The following RERG variants were observed in gnomAD, a reference collection of about 807,000 sequenced individuals.
The protein encoded by RERG is RAS like estrogen regulated growth inhibitor, also known as ras-related and estrogen-regulated growth inhibitor.
RERG carries 25 observed loss-of-function variants against 23.2 expected under a neutral mutation model. That is an observed-to-expected ratio of 1.08 (90% CI 0.79 to 1.50). The LOEUF is 1.50. Among genes scored for constraint, RERG ranks in the 40% most tolerant of loss-of-function variants. The pLI, the probability that RERG is intolerant of heterozygous loss-of-function variation, is 0.00. For synonymous variants in RERG, 81 were observed against 89.1 expected (o/e 0.91, Z 0.51); for missense variants, 253 against 250.1 (o/e 1.01, Z -0.08).
chr12:15,204,892 G>A (rs558353203), intron 2 of RERG, among the ~76,000 whole-genome samples: 2 of 151,910 alleles, frequency 1.3e-5, no homozygotes, highest in East Asian at 3.9e-4. Flanking sequence ...TCCTTCCCTA[G>A]TTATATTTTC....
chr12:15,178,411 AG>A (rs1864881363), intron 2 of RERG, among the ~76,000 whole-genome samples: 1 of 152,182 alleles, frequency 6.6e-6, no homozygotes, highest in Admixed American at 6.5e-5. Context: ...ACTATGCAAA[AG>A]GTATCAGAAA....
chr12:15,197,992 G>A (rs1043643142), intron 2 of RERG, among the ~76,000 whole-genome samples: 1 of 152,076 alleles, frequency 6.6e-6, no homozygotes, highest in African/African-American at 2.4e-5. Flanking sequence ...GAATAACTGT[G>A]TCATCCAGGA....
At chr12:15,204,351 A>G (rs1865256670) in intron 2 of RERG, among the ~76,000 whole-genome samples, 1 of 151,842 alleles carries the variant, frequency 6.6e-6, no homozygotes. Flanking sequence ...TGTTGAGAAA[A>G]CTGAATATTC....
Position 15,109,263 on chromosome 12 carries a change from G to C in RERG, c.447C>G (p.Ala149=), listed in dbSNP as rs1310489349. The C allele has an allele frequency of 1.2e-6, 2 of 1,614,120 alleles. No homozygotes were observed. The highest frequency in any genetic ancestry group is 2.2e-5 in the South Asian group (2 of 91,076). ...ELACAFYECS[A]CTGEGNITEI... is the part of the protein sequence containing the mutation. ...CTGTGATGTTCCCTTCTCCAGTGCAGGCAGAGCACTCGTAAAAAGCACAAG... is the reference window on the plus strand; with the variant it reads ...CTGTGATGTTCCCTTCTCCAGTGCACGCAGAGCACTCGTAAAAAGCACAAG... The change falls in exon 5 of 5, where the codon GCC becomes GCG. Residue 149 remains alanine, a synonymous_variant. Transcript: ENST00000256953.
intron 2 of RERG, among the ~76,000 whole-genome samples, chr12:15,133,150 T>C (rs1409123118): frequency 1.6e-5 from 2 of 122,050 alleles, no homozygotes; most frequent in Non-Finnish European, 3.2e-5. Context: ...TGTGGAGATA[T>C]ATATATATAT....
rs753137882 is a variant in RERG, at chr12:15,109,464, C to A, written c.246G>T (p.Leu82=). The A allele has an allele frequency of 6.2e-7, 1 of 1,613,552 alleles. No homozygotes were observed. Among genetic ancestry groups the A allele is most frequent in the South Asian group, 1.1e-5 (1 of 91,006 alleles). ...GHMRWGEGFV[L]VYDITDRGSF... ...TTCCTCGGTCAGTAATGTCGTAGAC[C>A]AGCACAAAGCCTTCCCCCCATCGCA... Residue 82 remains leucine (L), a synonymous_variant, in exon 5 of 5, where the codon CTG becomes CTT. Transcript: ENST00000256953.
chr12:15,156,073 T>C (rs998546696), intron 2 of RERG, among the ~76,000 whole-genome samples: 29 of 151,690 alleles, frequency 1.9e-4, no homozygotes, highest in Non-Finnish European at 7.4e-5. Flanking sequence ...GGTGATATAG[T>C]AATTACATTC....
At chr12:15,188,274 C>T (rs1303774403) in intron 2 of RERG, among the ~76,000 whole-genome samples, 1 of 152,104 alleles carries the variant, frequency 6.6e-6, no homozygotes, top group Non-Finnish European at 1.5e-5. Context: ...ATCTTGCATG[C>T]TCTAATAGAA....
chr12:15,115,029 G>A (rs753304525), intron 3 of RERG, among the ~76,000 whole-genome samples: 2 of 152,014 alleles, frequency 1.3e-5, no homozygotes, highest in African/African-American at 2.4e-5. Flanking sequence ...CCGTGTAGAA[G>A]ACTAGAAGTA....
chr12:15,208,344 C>A (rs1865320872), intron 2 of RERG, among the ~76,000 whole-genome samples: 1 of 152,106 alleles, frequency 6.6e-6, no homozygotes, highest in Middle Eastern at 3.2e-3. Context: ...TGATCTACTT[C>A]CGGTCATGTT....
chr12:15,197,698 A>G (rs1189054343), intron 2 of RERG, among the ~76,000 whole-genome samples: 2 of 152,198 alleles, frequency 1.3e-5, no homozygotes, highest in African/African-American at 4.8e-5. Flanking sequence ...AAACCTAGAC[A>G]ATAAAATATA....
At chr12:15,151,689 G>A (rs1479077755) in intron 2 of RERG, among the ~76,000 whole-genome samples, 2 of 152,106 alleles carry the variant, frequency 1.3e-5, no homozygotes, top group Admixed American at 6.5e-5. Context: ...ATCCACCAGA[G>A]GGCACTGCCA....
At chr12:15,128,304 A>G (rs1156384353) in intron 2 of RERG, among the ~76,000 whole-genome samples, 1 of 152,224 alleles carries the variant, frequency 6.6e-6, no homozygotes, top group Non-Finnish European at 1.5e-5. Context: ...TTTTTCTTGA[A>G]AACGTCTTTA....
intron 2 of RERG, among the ~76,000 whole-genome samples, chr12:15,156,809 C>T (rs935959938): frequency 5.9e-5 from 9 of 152,286 alleles, no homozygotes; most frequent in South Asian, 2.1e-4. Context: ...GGCGCATTTT[C>T]GTGCAAATCT....
At chr12:15,213,832 C>G (rs1865401889) in intron 2 of RERG, among the ~76,000 whole-genome samples, 2 of 152,158 alleles carry the variant, frequency 1.3e-5, no homozygotes, top group Non-Finnish European at 1.5e-5. Context: ...ACCAGAAGCA[C>G]TTTCAAATTT....
intron 3 of RERG, among the ~76,000 whole-genome samples, chr12:15,119,353 A>G (rs545035687): frequency 4.6e-4 from 70 of 152,354 alleles, no homozygotes; most frequent in African/African-American, 1.7e-3. Flanking sequence ...ATTAAGAATA[A>G]TAAGATTAGG....
chr12:15,203,976 G>T (rs1591669439), intron 2 of RERG, among the ~76,000 whole-genome samples: 1 of 151,584 alleles, frequency 6.6e-6, no homozygotes, highest in African/African-American at 2.4e-5. Context: ...GACTTATAAT[G>T]TTAAAATGTT....
chr12:15,122,273 G>T (rs1276304096), intron 2 of RERG, among the ~76,000 whole-genome samples: 3 of 152,062 alleles, frequency 2.0e-5, no homozygotes, highest in Non-Finnish European at 4.4e-5. Flanking sequence ...TTACTGAAAT[G>T]CCCTGAATGT....
At chr12:15,132,669 G>A (rs1246593207) in intron 2 of RERG, among the ~76,000 whole-genome samples, 1 of 152,142 alleles carries the variant, frequency 6.6e-6, no homozygotes, top group Non-Finnish European at 1.5e-5. Flanking sequence ...ACGTGTGAGA[G>A]CTCCTGTTGT....
Sources: gnomAD v4.1 joint callset for allele counts (sites outside exome capture counted in the v4.1 genomes callset) on GRCh38, gnomAD v4.1.1 for gene constraint, MANE v1.5 for transcripts, NCBI Gene and HGNC (gene_info 2026-07-23, HGNC 2026-07-21) for gene names.